MOCS1: variants seen among roughly 807,000 people sequenced by gnomAD.
The protein encoded by MOCS1 is molybdenum cofactor synthesis 1.
Under a neutral mutation model 57.6 loss-of-function variants are expected in MOCS1, and 39 were observed. The ratio of observed to expected loss-of-function variants is 0.68; its 90% confidence interval spans 0.52 to 0.88. The LOEUF is 0.88. Ranked by LOEUF, MOCS1 falls within the 40% of genes least tolerant of loss-of-function variation. MOCS1 has a pLI of 0.00. For missense variants in MOCS1, 795 were observed against 831.1 expected, an observed-to-expected ratio of 0.96 and a Z score of 0.53; for synonymous variants, 334 against 335.7, an observed-to-expected ratio of 1.00 and a Z score of 0.05.
In MOCS1 at chr6:39,934,392, A is replaced by T; in HGVS notation, c.26T>A (p.Met9Lys). The change falls in exon 1 of 11, where the codon ATG (methionine) becomes AAG (lysine). Residue 9 changes from methionine (M) to lysine (K), a missense_variant. Met to Lys is a moderately conservative substitution (Grantham distance 95, BLOSUM62 -1). Around this residue, in one of 3 missense-constraint regions of MOCS1, gnomAD observed 416 missense variants for 392.4 expected, o/e 1.06. Transcript: ENST00000340692. ...GCTGGACCTCAGAAGCCGCCGCAGC[A>T]TCCGGGACAGTGGCCGCGCCGCCAT... MAARPLSRMLRRLLRSSAR... is the reference protein window; with the variant it reads MAARPLSRKLRRLLRSSAR... The T allele has an allele frequency of 6.4e-7, 1 of 1,564,382 alleles. No individual in the cohort carries two copies. Among genetic ancestry groups the T allele is most frequent in the East Asian group, 2.3e-5 (1 of 42,738 alleles).
In MOCS1 at chr6:39,905,041, T is replaced by TATC. The variant is rs1253371212; in HGVS notation, c.*1313_*1315dup. On this transcript the variant is annotated 3_prime_UTR_variant, in exon 11 of 11. Transcript: ENST00000340692. ...AAATTATTCAACATGGGAGTATTTA[T>TATC]ATCACAAATTGTCTTTTCCAGAGAG... 8.8e-6 allele frequency: 4 copies of TATC among 454,148 alleles called. No individual in the cohort carries two copies. Among genetic ancestry groups the TATC allele is most frequent in the Admixed American group, 2.3e-5 (1 of 42,582 alleles). 28.1% of individuals were successfully genotyped at this position (454,148 alleles called of 1,614,324 possible). A position where few individuals can be genotyped will look rare whatever the true frequency, so the allele number is the denominator to read the frequency against.
chr6:39,934,430 G>C lies in MOCS1; in HGVS notation c.-13C>G, dbSNP rs1418844369. 1.3e-6 allele frequency: 2 copies of C among 1,565,336 alleles called. No homozygotes were observed. Among genetic ancestry groups the C allele is most frequent in the African/African-American group, 2.7e-5 (2 of 74,212 alleles). On this transcript the variant is annotated 5_prime_UTR_variant, in exon 1 of 11. Coordinates refer to ENST00000340692, the MANE Select transcript of MOCS1 (RefSeq NM_001358530.2). ...GCCGCGCCGCCATGAAGCCTGATAC[G>C]AGCGGAACCGCAGCCCGCTTCGGGA...
Position 39,912,295 on chromosome 6 carries a change from C to T in MOCS1, c.950G>A (p.Arg317His), listed in dbSNP as rs756158164. The change falls in exon 8 of 11, where the codon CGC becomes CAC. Residue 317 changes from arginine to histidine, a missense_variant. Arg to His is a conservative substitution (Grantham distance 29, BLOSUM62 0). This residue lies in a region of MOCS1 where 374 missense variants were observed against 422.6 expected (regional missense o/e 0.89). Transcript: ENST00000340692. Reference sequence around the variant, plus strand: ...GTTCCCATCAGCTGTGATTCGCAGGCGGTTGCAGGTCCCACAGAAATGCTC... The same window carrying T: ...GTTCCCATCAGCTGTGATTCGCAGGTGGTTGCAGGTCCCACAGAAATGCTC... Reference protein sequence around the residue: ...MSEHFCGTCNRLRITADGNLK... With the variant: ...MSEHFCGTCNHLRITADGNLK... The T allele has an allele frequency of 1.6e-5, 26 of 1,613,146 alleles. No homozygotes were observed. Among genetic ancestry groups the T allele is most frequent in the East Asian group, 4.5e-5 (2 of 44,884 alleles).
chr6:39,912,687 T>C (rs1767406227), intron 7 of MOCS1, among the ~76,000 whole-genome samples: 2 of 152,178 alleles, frequency 1.3e-5, no homozygotes, highest in Non-Finnish European at 2.9e-5. Context: ...CTCTGACATG[T>C]TACTGAGCCC....
chr6:39,925,537 C>T (rs1185212021), intron 3 of MOCS1, 141 bp downstream of exon 3: 1 of 1,005,728 alleles, frequency 9.9e-7, no homozygotes, highest in African/African-American at 1.6e-5. Context: ...ATAATAATAG[C>T]ACCTGTCTCA....
In MOCS1 at chr6:39,904,918, G is replaced by A. The variant is rs750885727; in HGVS notation, c.*1439C>T. On this transcript the variant is annotated 3_prime_UTR_variant, in exon 11 of 11. Coordinates refer to ENST00000340692, the MANE Select transcript of MOCS1 (RefSeq NM_001358530.2). ...CTTCCTATGAGGGGATCTGGGGTGGGCTGAGAGTGTGCTGGAGCCAGCTTG... is the reference window on the plus strand; with the variant it reads ...CTTCCTATGAGGGGATCTGGGGTGGACTGAGAGTGTGCTGGAGCCAGCTTG... 2 of 454,108 alleles carry A rather than the reference G, an allele frequency of 4.4e-6. No homozygotes were observed. Among genetic ancestry groups the A allele is most frequent in the South Asian group, 3.1e-5 (2 of 64,474 alleles). The allele number at this position is 454,108 out of a possible 1,614,324, so 28.1% of individuals were successfully genotyped here.
At chr6:39,930,137 C>T (rs1425980500) in intron 1 of MOCS1, among the ~76,000 whole-genome samples, 2 of 152,098 alleles carry the variant, frequency 1.3e-5, no homozygotes, top group Non-Finnish European at 2.9e-5. Context: ...CAGATATTAA[C>T]GAGCCCCATT....
chr6:39,926,171 G>A (rs1768285097), intron 2 of MOCS1, among the ~76,000 whole-genome samples: 1 of 152,178 alleles, frequency 6.6e-6, no homozygotes, highest in African/African-American at 2.4e-5. Context: ...TGGGCTGAGG[G>A]CACCTGGGCA....
rs753212138 is a variant in MOCS1 at position 39,905,522 on chromosome 6, C to A, written c.*835G>T. 4.2e-6 allele frequency: 2 copies of A among 471,068 alleles called. No individual in the cohort carries two copies. The highest frequency in any genetic ancestry group is 8.8e-6 in the Non-Finnish European group (2 of 227,082). The allele number at this position is 471,068 out of a possible 1,614,324, so 29.2% of individuals were successfully genotyped here. On this transcript the variant is annotated 3_prime_UTR_variant, in exon 11 of 11. Coordinates refer to ENST00000340692, the MANE Select transcript of MOCS1 (RefSeq NM_001358530.2). ...CCACACAGTGTCTTCATTCTTGCAT[C>A]TGCAAAGTTGGCATCGTAGCTTTAT...
intron 1 of MOCS1, among the ~76,000 whole-genome samples, chr6:39,933,097 GA>G (rs1768724184): frequency 6.6e-6 from 1 of 152,110 alleles, no homozygotes; most frequent in Non-Finnish European, 1.5e-5. Context: ...GCGACTGGAG[GA>G]AAGTTAACTT....
At chr6:39,930,732 C>T (rs2149425693) in intron 1 of MOCS1, among the ~76,000 whole-genome samples, 1 of 152,256 alleles carries the variant, frequency 6.6e-6, no homozygotes, top group East Asian at 1.9e-4. Context: ...AACCATCGGC[C>T]TAGTGACACC....
At chr6:39,913,670 G>T (rs1187062889) in intron 5 of MOCS1, 104 bp downstream of exon 5, 1 of 1,317,138 alleles carries the variant, frequency 7.6e-7, no homozygotes, top group Non-Finnish European at 1.1e-6. Context: ...CTTCAGCCAT[G>T]CTGGCCAGAG....
chr6:39,911,701 G>A (rs745387355), intron 8 of MOCS1, among the ~76,000 whole-genome samples: 1 of 152,008 alleles, frequency 6.6e-6, no homozygotes, highest in Non-Finnish European at 1.5e-5. Flanking sequence ...ATTCTTCAAG[G>A]CTCGCTGAGG....
At chr6:39,932,666 G>A (rs925019255) in intron 1 of MOCS1, among the ~76,000 whole-genome samples, 1 of 152,218 alleles carries the variant, frequency 6.6e-6, no homozygotes, top group African/African-American at 2.4e-5. Context: ...AATGTGAGTT[G>A]ACAGAATAGC....
Position 39,925,698 on chromosome 6 carries a change from G to A in MOCS1, c.398C>T (p.Pro133Leu), listed in dbSNP as rs139431867. The change falls in exon 3 of 11, where the codon CCG becomes CTG. Residue 133 changes from proline to leucine, a missense_variant. Physicochemically the swap from Pro to Leu is moderately conservative, Grantham distance 98. Around this residue, in one of 3 missense-constraint regions of MOCS1, gnomAD observed 416 missense variants for 392.4 expected, o/e 1.06. Transcript: ENST00000340692. Reference sequence around the variant, plus strand: ...CTCACCCACAATGTCCACCACGTCCGGCCGGATAAGCGGCTCTCCACCTGT... The same window carrying A: ...CTCACCCACAATGTCCACCACGTCCAGCCGGATAAGCGGCTCTCCACCTGT... ...RLTGGEPLIR[P>L]DVVDIVAQLQ... 350 of 1,612,712 alleles carry A rather than the reference G, an allele frequency of 2.2e-4. No individual in the cohort carries two copies. Among genetic ancestry groups the A allele is most frequent in the Non-Finnish European group, 2.8e-4 (327 of 1,179,992 alleles).
chr6:39,921,363 C>T (rs929875974), intron 3 of MOCS1, among the ~76,000 whole-genome samples: 7 of 151,592 alleles, frequency 4.6e-5, no homozygotes, highest in African/African-American at 1.5e-4. Flanking sequence ...CGCACCACTG[C>T]ACTCCAGCCT....
rs78527698 is a variant in MOCS1 at position 39,909,412 on chromosome 6, G to A, written c.1103-310C>T. On this transcript the variant is annotated intron_variant, in intron 9 of 10. Transcript: ENST00000340692. ...TGAAACAAACGCGCTTGACAGCCCC[G>A]AGCACATGCACTCAGCTGTATGACA... 1.7e-3 allele frequency among the ~76,000 whole-genome samples: 264 copies of A among 152,050 alleles called. 6 individuals carry two copies. In the East Asian group the frequency reaches 0.045, roughly 26 times the overall value.
At chr6:39,931,499 C>T (rs550633626) in intron 1 of MOCS1, among the ~76,000 whole-genome samples, 62 of 152,224 alleles carry the variant, frequency 4.1e-4, no homozygotes, top group Admixed American at 2.0e-3. Flanking sequence ...TAGCCTAGCT[C>T]GATTCTCCTT....
chr6:39,928,422 C>A (rs935953435), intron 1 of MOCS1, among the ~76,000 whole-genome samples: 13 of 152,168 alleles, frequency 8.5e-5, no homozygotes, highest in African/African-American at 2.4e-4. Flanking sequence ...CCTTGGCCCC[C>A]CAAAGTGCTG....
Sources: gnomAD v4.1 joint callset for allele counts (sites outside exome capture counted in the v4.1 genomes callset) on GRCh38, gnomAD v4.1.1 for gene constraint, gnomAD v4.1.1 regional missense constraint, MANE v1.5 for transcripts, NCBI Gene and HGNC (gene_info 2026-07-23, HGNC 2026-07-21) for gene names.